PLOD2: variants seen among roughly 807,000 people sequenced by gnomAD.
PLOD2 encodes lysine hydroxylase 2.
PLOD2 carries 65 observed loss-of-function variants against 101.0 expected under a neutral mutation model. That is an observed-to-expected ratio of 0.64 (90% confidence interval 0.53 to 0.79). The LOEUF (loss-of-function observed/expected upper bound fraction) is 0.79, where lower values mean the gene tolerates loss of function less well. Among genes scored for constraint, PLOD2 ranks in the 30% least tolerant of loss-of-function variants. The pLI is 0.00. For synonymous variants in PLOD2, 314 were observed against 302.9 expected, an observed-to-expected ratio of 1.04 and a Z score of -0.38; for missense variants, 909 against 914.6, an observed-to-expected ratio of 0.99 and a Z score of 0.08.
intron 7 of PLOD2, among the ~76,000 whole-genome samples, chr3:146,101,597 C>T (rs1937391370): frequency 6.6e-6 from 1 of 152,170 alleles, no homozygotes; most frequent in Non-Finnish European, 1.5e-5. Context: ...GCATTTCTTA[C>T]TGTGATGGGA....
chr3:146,081,834 T>A lies in PLOD2; in HGVS notation c.1262A>T (p.His421Leu), dbSNP rs1229626048. Residue 421 changes from histidine (H) to leucine (L), a missense_variant, in exon 12 of 20, where the codon CAT (histidine) becomes CTT (leucine). Physicochemically the swap from His to Leu is moderately conservative, Grantham distance 99. Coordinates refer to ENST00000282903, the MANE Select transcript of PLOD2 (RefSeq NM_182943.3). ...RKIIAPLVTR[H>L]GKLWSNFWGA... ...CCAGAAATTGGACCACAGCTTTCCA[T>A]GACGAGTTACAAGAGGAGCAATGAT... 1.2e-6 allele frequency: 2 copies of A among 1,612,738 alleles called. No individual in the cohort carries two copies. Among genetic ancestry groups the A allele is most frequent in the East Asian group, 2.2e-5 (1 of 44,756 alleles).
chr3:146,130,963 A>G (rs538096030), intron 1 of PLOD2, among the ~76,000 whole-genome samples: 1 of 152,310 alleles, frequency 6.6e-6, no homozygotes, highest in South Asian at 2.1e-4. Context: ...ATTCCTAGAT[A>G]AGATGGCTCA....
chr3:146,118,664 A>G (rs1559858671), intron 3 of PLOD2, among the ~76,000 whole-genome samples: 2 of 152,206 alleles, frequency 1.3e-5, no homozygotes, highest in Non-Finnish European at 2.9e-5. Flanking sequence ...TGACAATTTG[A>G]TGTTATTATA....
At position 146,096,880 on chromosome 3, in the gene PLOD2, T is replaced by TG. The variant is rs1319532674; in HGVS notation, c.778-4980dup. Among the ~76,000 whole-genome samples the TG allele has an allele frequency of 1.7e-3, 111 of 63,590 alleles. 9 individuals are homozygous for TG. Among genetic ancestry groups the TG allele is most frequent in the African/African-American group, 6.0e-3 (85 of 14,228 alleles). 41.7% of individuals were successfully genotyped at this position (63,590 alleles called of 152,430 possible). A position where few individuals can be genotyped will look rare whatever the true frequency, so the allele number is the denominator to read the frequency against. On this transcript the variant is annotated intron_variant, in intron 7 of 19. Coordinates refer to ENST00000282903, the MANE Select transcript of PLOD2 (RefSeq NM_182943.3). ...CCAGCTGCCCCGTCCGGGAGGGAGGTGGGGGGGGGGAGTCGGCCAGCCGCC... is the reference window on the plus strand; with the variant it reads ...CCAGCTGCCCCGTCCGGGAGGGAGGTGGGGGGGGGGGAGTCGGCCAGCCGCC...
chr3:146,090,244 T>C (rs895462112), intron 8 of PLOD2, among the ~76,000 whole-genome samples: 1 of 151,370 alleles, frequency 6.6e-6, no homozygotes, highest in African/African-American at 2.4e-5. Context: ...TATGATAGGC[T>C]TGGGATTTAA....
intron 4 of PLOD2, among the ~76,000 whole-genome samples, chr3:146,109,348 T>C (rs192897900): frequency 6.6e-6 from 1 of 152,306 alleles, no homozygotes; most frequent in African/African-American, 2.4e-5. Context: ...AGTTCCAAGG[T>C]ACAACTGTGG....
chr3:146,139,567 G>A (rs2031420227), intron 1 of PLOD2, among the ~76,000 whole-genome samples: 1 of 152,024 alleles, frequency 6.6e-6, no homozygotes, highest in African/African-American at 2.4e-5. Flanking sequence ...TTATGATGCA[G>A]GAAAAAGATA....
chr3:146,107,297 TAAAGCATAAGC>T (rs1304103390), intron 4 of PLOD2, among the ~76,000 whole-genome samples: 3 of 152,212 alleles, frequency 2.0e-5, no homozygotes, highest in Non-Finnish European at 2.9e-5. Flanking sequence ...TCCTTGGCCT[TAAAGCATAAGC>T]ATTAAGACCG....
chr3:146,106,838 GTGTT>G (rs1937543551), intron 4 of PLOD2, among the ~76,000 whole-genome samples, 194 bp from the exon 5 acceptor site: 1 of 152,136 alleles, frequency 6.6e-6, no homozygotes, highest in African/African-American at 2.4e-5. Flanking sequence ...CTCCAATAGA[GTGTT>G]TGCTACCAAC....
intron 5 of PLOD2, among the ~76,000 whole-genome samples, chr3:146,104,710 T>G (rs1937507655): frequency 6.6e-6 from 1 of 152,216 alleles, no homozygotes; most frequent in Non-Finnish European, 1.5e-5. Flanking sequence ...CTCCAGAGTT[T>G]CACTCACATC....
chr3:146,073,422 C>T, intron 15 of PLOD2, 70 bp from the exon 16 acceptor site: 1 of 577,106 alleles, frequency 1.7e-6, no homozygotes, highest in Non-Finnish European at 3.1e-6. Flanking sequence ...AAAGCATATG[C>T]ATTTTAGAAA....
Position 146,086,837 on chromosome 3 carries a change from T to C in PLOD2, c.1077A>G (p.Ile359Met). ...KAKHEIKTIKIVGPEENLSQA... is the reference protein window; with the variant it reads ...KAKHEIKTIKMVGPEENLSQA... ...GACTTAGATTTTCTTCTGGTCCTAC[T>C]ATTTTTATAGTTTTGATTTCATGCT... The change falls in exon 10 of 20, where the codon ATA (isoleucine) becomes ATG (methionine). Residue 359 changes from isoleucine (I) to methionine (M), a missense_variant. Coordinates refer to ENST00000282903, the MANE Select transcript of PLOD2 (RefSeq NM_182943.3). 6.5e-7 allele frequency: 1 copy of C among 1,536,506 alleles called. No homozygotes were observed. Among genetic ancestry groups the C allele is most frequent in the Admixed American group, 1.8e-5 (1 of 56,404 alleles).
At chr3:146,128,880 CTTTTTTTTTTTTT>C (rs3975816) in intron 1 of PLOD2, among the ~76,000 whole-genome samples, 24 of 73,230 alleles carry the variant, frequency 3.3e-4, no homozygotes, top group South Asian at 2.3e-3. Context: ...ATCTGAAATC[CTTTTTTTTTTTTT>C]TTTTTTTTTT....
Position 146,070,496 on chromosome 3 carries a change from C to A in PLOD2, c.*221G>T, listed in dbSNP as rs1936085960. 1 of 347,538 alleles carries A rather than the reference C, an allele frequency of 2.9e-6. No individual in the cohort carries two copies. The highest frequency in any genetic ancestry group is 4.4e-5 in the Admixed American group (1 of 22,846). 21.5% of individuals were successfully genotyped at this position (347,538 alleles called of 1,614,324 possible). A position where few individuals can be genotyped will look rare whatever the true frequency, so the allele number is the denominator to read the frequency against. ...ATAGAAATAAATATTTAAGTTTTTT[C>A]TTTCTTTTCTTCTTCAATCTGTGTT... On this transcript the variant is annotated 3_prime_UTR_variant, in exon 20 of 20. Transcript: ENST00000282903.
chr3:146,147,496 T>C (rs2031836753), intron 1 of PLOD2, among the ~76,000 whole-genome samples: 1 of 152,180 alleles, frequency 6.6e-6, no homozygotes, highest in South Asian at 2.1e-4. Context: ...TTCAGCACTA[T>C]TGACATTTGG....
intron 3 of PLOD2, among the ~76,000 whole-genome samples, chr3:146,116,432 T>C (rs1282046443): frequency 1.3e-5 from 2 of 152,124 alleles, no homozygotes; most frequent in African/African-American, 2.4e-5. Flanking sequence ...CAGATAAATA[T>C]TGAACCATCC....
chr3:146,131,672 C>G (rs1234370581), intron 1 of PLOD2, among the ~76,000 whole-genome samples: 1 of 152,152 alleles, frequency 6.6e-6, no homozygotes, highest in Non-Finnish European at 1.5e-5. Flanking sequence ...TATCCAGGAT[C>G]CTGCAGTTAA....
rs151333762 is a variant in PLOD2, at chr3:146,100,916, G to A, written c.777+1839C>T. ...ATACTCTAGTTCCAGGCTGCTGGGG[G>A]TGTGATTGCTACTAGAAGGAGGTTG... On this transcript the variant is annotated intron_variant, in intron 7 of 19. Coordinates refer to ENST00000282903, the MANE Select transcript of PLOD2 (RefSeq NM_182943.3). 8.3e-4 allele frequency among the ~76,000 whole-genome samples: 126 copies of A among 152,304 alleles called. 1 individual carries two copies. Among genetic ancestry groups the A allele is most frequent in the African/African-American group, 3.0e-3 (125 of 41,572 alleles).
Position 146,071,166 on chromosome 3 carries a change from C to A in PLOD2, c.1997G>T (p.Gly666Val). ...LKVFAGYYTK[G>V]FALLNFVVKY... ...TACTACAAAATTCAGTAGTGCAAAT[C>A]CCTGAAAAAGCAAAGTAAGCCAGTG... Residue 666 changes from glycine to valine, a missense_variant and splice_region_variant, in exon 19 of 20, where the codon GGA becomes GTA. Physicochemically the swap from Gly to Val is moderately radical, Grantham distance 109 (BLOSUM62 -3). Coordinates refer to ENST00000282903, the MANE Select transcript of PLOD2 (RefSeq NM_182943.3). 6.2e-7 allele frequency: 1 copy of A among 1,610,998 alleles called. No individual in the cohort carries two copies. Among genetic ancestry groups the A allele is most frequent in the South Asian group, 1.1e-5 (1 of 90,948 alleles).
Sources: allele counts gnomAD v4.1 joint callset (sites outside exome capture counted in the v4.1 genomes callset), GRCh38; gene constraint gnomAD v4.1.1; transcripts MANE v1.5; gene names NCBI Gene and HGNC (gene_info 2026-07-23, HGNC 2026-07-21).